The following IGF1 variants were observed in gnomAD, a reference collection of about 807,000 sequenced individuals.
The protein encoded by IGF1 is insulin-like growth factor 1.
Under a neutral mutation model 13.8 loss-of-function variants are expected in IGF1, and 4 were observed. That is an observed-to-expected ratio of 0.29 (90% CI 0.14 to 0.66). The LOEUF is 0.66. Among genes scored for constraint, IGF1 ranks in the 30% least tolerant of loss-of-function variants. The pLI, the probability that IGF1 is intolerant of heterozygous loss-of-function variation, is 0.78. For synonymous variants in IGF1, 76 were observed against 72.6 expected, an observed-to-expected ratio of 1.05 and a Z score of -0.23; for missense variants, 124 against 188.5, an observed-to-expected ratio of 0.66 and a Z score of 2.00.
intron 2 of IGF1, among the ~76,000 whole-genome samples, chr12:102,442,281 G>A (rs1877932755): frequency 6.6e-6 from 1 of 151,998 alleles, no homozygotes; most frequent in African/African-American, 2.4e-5. Context: ...GAATCTTCCT[G>A]CCTAGACAGA....
intron 1 of IGF1, among the ~76,000 whole-genome samples, chr12:102,477,970 A>AT (rs930578627): frequency 3.4e-5 from 5 of 148,638 alleles, no homozygotes; most frequent in Admixed American, 1.4e-4. Context: ...AGAATTTAAG[A>AT]TTTTTTTTAA....
Position 102,399,027 on chromosome 12 carries a change from TTTTGTTTG to T in IGF1, c.*3472_*3479del, listed in dbSNP as rs962751448. ...AAGGATTCTCAAGGGTGGACAGGCTTTTTGTTTGTTTGTTTGTTTTTTAATAAAATTTT... is the reference window on the plus strand; with the variant it reads ...AAGGATTCTCAAGGGTGGACAGGCTTTTTGTTTGTTTTTTAATAAAATTTT... On this transcript the variant is annotated 3_prime_UTR_variant, in exon 4 of 4. Transcript: ENST00000337514. 1 of 152,350 alleles carries T rather than the reference TTTTGTTTG, an allele frequency of 6.6e-6. No individual in the cohort carries two copies. The highest frequency in any genetic ancestry group is 1.9e-4 in the East Asian group (1 of 5,176). The allele number at this position is 152,350 out of a possible 1,614,324, so 9.4% of individuals were successfully genotyped here. A position where few individuals can be genotyped will look rare whatever the true frequency, so the allele number is the denominator to read the frequency against.
At chr12:102,413,529 G>T (rs1874820763) in intron 3 of IGF1, among the ~76,000 whole-genome samples, 1 of 152,106 alleles carries the variant, frequency 6.6e-6, no homozygotes, top group African/African-American at 2.4e-5. Context: ...CACATTAGAA[G>T]CTGTGTGAGG....
chr12:102,427,169 G>A (rs1454224053), intron 2 of IGF1, among the ~76,000 whole-genome samples: 1 of 152,166 alleles, frequency 6.6e-6, no homozygotes, highest in Non-Finnish European at 1.5e-5. Context: ...AAGGGATGTT[G>A]AGGAATCGCA....
chr12:102,417,734 C>T, intron 3 of IGF1: 2 of 1,577,600 alleles, frequency 1.3e-6, no homozygotes, highest in Non-Finnish European at 1.7e-6. Context: ...TCTTCATTTC[C>T]TCTATTGTAT....
chr12:102,425,236 T>C (rs138274046), intron 2 of IGF1, among the ~76,000 whole-genome samples: 2 of 152,354 alleles, frequency 1.3e-5, no homozygotes, highest in Non-Finnish European at 2.9e-5. Flanking sequence ...ACCTTTGGCA[T>C]CTTAAAAGTG....
intron 2 of IGF1, among the ~76,000 whole-genome samples, chr12:102,448,689 TAAAAAAAA>T (rs58794507): frequency 7.3e-5 from 8 of 110,308 alleles, no homozygotes; most frequent in East Asian, 3.1e-4. Context: ...TAGAGTATAA[TAAAAAAAA>T]AAAAAAAAAA....
At chr12:102,461,169 A>G (rs1164692613) in intron 2 of IGF1, among the ~76,000 whole-genome samples, 1 of 152,208 alleles carries the variant, frequency 6.6e-6, no homozygotes, top group Non-Finnish European at 1.5e-5. Flanking sequence ...ATACAAGTTA[A>G]AAACTGGTCC....
chr12:102,418,963 C>A (rs1875416900), intron 3 of IGF1, among the ~76,000 whole-genome samples: 1 of 152,134 alleles, frequency 6.6e-6, no homozygotes, highest in African/African-American at 2.4e-5. Flanking sequence ...TTCCCATTAG[C>A]CTTTTATTTT....
intron 2 of IGF1, among the ~76,000 whole-genome samples, chr12:102,461,489 G>T (rs1344731194): frequency 1.3e-5 from 2 of 152,134 alleles, no homozygotes; most frequent in African/African-American, 4.8e-5. Flanking sequence ...TTAGAATCTG[G>T]CTGAGCATAA....
At position 102,400,907 on chromosome 12, in the gene IGF1, C is replaced by A. The variant is rs1410665349; in HGVS notation, c.*1600G>T. 1 of 152,084 alleles carries A rather than the reference C, an allele frequency of 6.6e-6. No individual in the cohort carries two copies. Among genetic ancestry groups the A allele is most frequent in the Non-Finnish European group, 1.5e-5 (1 of 68,024 alleles). The allele number at this position is 152,084 out of a possible 1,614,324, so 9.4% of individuals were successfully genotyped here. On this transcript the variant is annotated 3_prime_UTR_variant, in exon 4 of 4. Coordinates refer to ENST00000337514, the MANE Select transcript of IGF1 (RefSeq NM_000618.5). ...TAAAACCAAATGCAGAATTCAAAATCAAATTGAAAATCAAATGCTTCCCAC... is the reference window on the plus strand; with the variant it reads ...TAAAACCAAATGCAGAATTCAAAATAAAATTGAAAATCAAATGCTTCCCAC...
chr12:102,476,341 G>C (rs759852830), intron 1 of IGF1, among the ~76,000 whole-genome samples: 2 of 150,852 alleles, frequency 1.3e-5, no homozygotes, highest in Non-Finnish European at 2.9e-5. Context: ...ATTTACTATG[G>C]CCAAAAAATG....
At chr12:102,454,967 T>C (rs1422799739) in intron 2 of IGF1, among the ~76,000 whole-genome samples, 1 of 152,190 alleles carries the variant, frequency 6.6e-6, no homozygotes, top group African/African-American at 2.4e-5. Flanking sequence ...CAGAGCTGCT[T>C]TTCCACATCA....
At chr12:102,441,936 T>TCTTCTTCTTCTTCTCCTTCTCCTTCTC (rs1877831634) in intron 2 of IGF1, among the ~76,000 whole-genome samples, 1 of 136,106 alleles carries the variant, frequency 7.3e-6, no homozygotes, top group Admixed American at 8.3e-5. Context: ...TTCTTCTTCT[T>TCTTCTTCTTCTTCTCCTTCTCCTTCTC]CTTCTTCTTC....
At chr12:102,405,369 T>G (rs1386998687) in intron 3 of IGF1, among the ~76,000 whole-genome samples, 1 of 151,960 alleles carries the variant, frequency 6.6e-6, no homozygotes, top group East Asian at 1.9e-4. Context: ...ATTACAGGCA[T>G]GAGCCATCAT....
intron 2 of IGF1, among the ~76,000 whole-genome samples, chr12:102,424,547 C>T (rs1455072855): frequency 6.6e-6 from 1 of 152,048 alleles, no homozygotes; most frequent in African/African-American, 2.4e-5. Flanking sequence ...AGATTTTCTC[C>T]CTGGGCCGCC....
chr12:102,413,543 T>C (rs544323390), intron 3 of IGF1, among the ~76,000 whole-genome samples: 11 of 152,182 alleles, frequency 7.2e-5, no homozygotes, highest in Non-Finnish European at 1.5e-5. Flanking sequence ...TGTGAGGTTT[T>C]GTTTGTTTTC....
At chr12:102,445,049 A>G (rs1487836068) in intron 2 of IGF1, among the ~76,000 whole-genome samples, 1 of 151,928 alleles carries the variant, frequency 6.6e-6, no homozygotes, top group Non-Finnish European at 1.5e-5. Context: ...GTGGTTGTAG[A>G]TGTGTAGCGT....
At chr12:102,479,476 C>A (rs867831164) in intron 1 of IGF1, among the ~76,000 whole-genome samples, 19 of 152,092 alleles carry the variant, frequency 1.2e-4, no homozygotes, top group Non-Finnish European at 1.3e-4. Flanking sequence ...GGCCAGCAAT[C>A]GGAAACGAGA....
Sources: gnomAD v4.1 joint callset for allele counts (sites outside exome capture counted in the v4.1 genomes callset) on GRCh38, gnomAD v4.1.1 for gene constraint, MANE v1.5 for transcripts, NCBI Gene and HGNC (gene_info 2026-07-23, HGNC 2026-07-21) for gene names.